CSGALNACT1: variants seen among roughly 807,000 people sequenced by gnomAD.
CSGALNACT1 encodes the protein chondroitin sulfate N-acetylgalactosaminyltransferase 1.
In CSGALNACT1, 52 loss-of-function variants were observed where a neutral mutation model predicts 51.0. That is an observed-to-expected ratio of 1.02 (90% CI 0.82 to 1.29). The LOEUF is 1.29. Among genes scored for constraint, CSGALNACT1 ranks in the 50% most tolerant of loss-of-function variants. The pLI is 0.00. For missense variants in CSGALNACT1, 935 were observed against 679.2 expected, an observed-to-expected ratio of 1.38 and a Z score of -4.19; for synonymous variants, 341 against 254.4, an observed-to-expected ratio of 1.34 and a Z score of -3.24.
intron 1 of CSGALNACT1, among the ~76,000 whole-genome samples, chr8:19,730,670 C>A (rs748254866): frequency 6.6e-6 from 1 of 152,228 alleles, no homozygotes; most frequent in Non-Finnish European, 1.5e-5. Flanking sequence ...GCCACCCCTC[C>A]CAGGTCCATC....
chr8:19,409,079 G>A (rs1333182905), intron 8 of CSGALNACT1, among the ~76,000 whole-genome samples: 1 of 152,144 alleles, frequency 6.6e-6, no homozygotes, highest in African/African-American at 2.4e-5. Context: ...TCGGAGGCTT[G>A]GGCCCCTTAC....
rs1444312163 is a variant in CSGALNACT1 at position 19,757,269 on chromosome 8, C to T, written c.-297+581G>A. The T allele has an allele frequency of 1.3e-5, 2 of 150,190 alleles. No individual in the cohort carries two copies. The highest frequency in any genetic ancestry group is 3.0e-5 in the Non-Finnish European group (2 of 67,070). 9.3% of individuals were successfully genotyped at this position (150,190 alleles called of 1,614,324 possible). The stretch of plus-strand genomic sequence containing the variant: ...TTCCCTCCTGCGCGGCCGCCGCGGA[C>T]TCGGCTCCACCTCCCGCTCCGGCAG... On this transcript the variant is annotated intron_variant, in intron 1 of 1. Transcript: ENST00000517494. The surrounding 1 kb of genome is among the most constrained non-coding windows in gnomAD (Gnocchi z 4.0).
chr8:19,692,183 G>A (rs1000243974), intron 1 of CSGALNACT1, among the ~76,000 whole-genome samples: 17 of 152,030 alleles, frequency 1.1e-4, no homozygotes, highest in Admixed American at 2.0e-4. Context: ...TCCCTCCCTC[G>A]ACACACAGGA....
chr8:19,710,577 T>C (rs944115251), intron 1 of CSGALNACT1, among the ~76,000 whole-genome samples: 1 of 152,198 alleles, frequency 6.6e-6, no homozygotes, highest in Non-Finnish European at 1.5e-5. Flanking sequence ...AATGTTAATA[T>C]GTATTAGTTC....
chr8:19,648,157 T>A (rs1330002634), intron 1 of CSGALNACT1, among the ~76,000 whole-genome samples: 1 of 152,222 alleles, frequency 6.6e-6, no homozygotes, highest in African/African-American at 2.4e-5. Context: ...ACTAGACCAC[T>A]TACTTGCTCC....
At chr8:19,621,338 G>C (rs2053800585) in intron 1 of CSGALNACT1, among the ~76,000 whole-genome samples, 2 of 152,040 alleles carry the variant, frequency 1.3e-5, no homozygotes, top group African/African-American at 4.8e-5. Flanking sequence ...TACTGAGCTA[G>C]GCATGTGTCA....
intron 2 of CSGALNACT1, among the ~76,000 whole-genome samples, chr8:19,592,633 T>A (rs76573092): frequency 0.037 from 5,706 of 152,208 alleles, 359 homozygotes; most frequent in African/African-American, 0.13. Context: ...ACACACCTGC[T>A]GTCCCAGCTA....
Position 19,439,889 on chromosome 8 carries a change from A to G in CSGALNACT1, c.894T>C (p.Val298=), listed in dbSNP as rs746733474. 18 of 1,614,038 alleles carry G rather than the reference A, an allele frequency of 1.1e-5. No individual in the cohort carries two copies. In the East Asian group the frequency reaches 4.0e-4, roughly 36 times the overall value. Residue 298 remains valine, a synonymous_variant, in exon 6 of 10, where the codon GTT becomes GTC. Coordinates refer to ENST00000454498, the Ensembl canonical transcript of CSGALNACT1. ...TTATTTCTTCTTTCCCAAAGTAAAC[A>G]ACAGTGAGATGGACTCTCCCATCCT... is the stretch of plus-strand genomic sequence containing the variant.
intron 8 of CSGALNACT1, among the ~76,000 whole-genome samples, chr8:19,416,424 T>A (rs902676871): frequency 2.6e-5 from 4 of 152,086 alleles, no homozygotes; most frequent in African/African-American, 9.7e-5. Context: ...AGGAAAACTT[T>A]TAAAAAATAA....
intron 1 of CSGALNACT1, among the ~76,000 whole-genome samples, chr8:19,749,188 T>C (rs2064875033): frequency 6.6e-6 from 1 of 151,978 alleles, no homozygotes; most frequent in Non-Finnish European, 1.5e-5. Context: ...TCAAGGACTA[T>C]TCCTCTTCCC....
chr8:19,510,220 G>C (rs1442420622), intron 3 of CSGALNACT1, among the ~76,000 whole-genome samples: 1 of 152,134 alleles, frequency 6.6e-6, no homozygotes, highest in African/African-American at 2.4e-5. Flanking sequence ...TTCTTGATTA[G>C]AATGAAGGAG....
chr8:19,469,288 G>A (rs573559099), intron 4 of CSGALNACT1, among the ~76,000 whole-genome samples: 2 of 152,256 alleles, frequency 1.3e-5, no homozygotes, highest in Admixed American at 6.5e-5. Context: ...CTACTTAGGC[G>A]GTGCAGGCAT....
intron 4 of CSGALNACT1, among the ~76,000 whole-genome samples, chr8:19,489,852 A>C (rs2073961501): frequency 1.3e-5 from 2 of 152,160 alleles, no homozygotes; most frequent in South Asian, 4.1e-4. Context: ...TTAGGAAGCC[A>C]AGCTGAGCTG....
At chr8:19,733,811 T>C (rs1198337286) in intron 1 of CSGALNACT1, among the ~76,000 whole-genome samples, 1 of 152,204 alleles carries the variant, frequency 6.6e-6, no homozygotes, top group Non-Finnish European at 1.5e-5. Flanking sequence ...AGGCCCTTTT[T>C]TTTTCCGTAT....
chr8:19,564,494 T>G (rs2041496827), intron 3 of CSGALNACT1, among the ~76,000 whole-genome samples: 1 of 152,120 alleles, frequency 6.6e-6, no homozygotes, highest in African/African-American at 2.4e-5. Flanking sequence ...AACTGTCCTT[T>G]GTAACCTAAT....
chr8:19,473,971 T>A (rs2068798379), intron 4 of CSGALNACT1, among the ~76,000 whole-genome samples: 1 of 152,222 alleles, frequency 6.6e-6, no homozygotes, highest in Non-Finnish European at 1.5e-5. Flanking sequence ...AAATACAGGT[T>A]CTTGGGCCTA....
intron 4 of CSGALNACT1, among the ~76,000 whole-genome samples, chr8:19,479,232 A>G (rs990707199): frequency 3.9e-5 from 6 of 152,192 alleles, no homozygotes; most frequent in Admixed American, 6.5e-5. Flanking sequence ...TGAAGCTGGA[A>G]TCATTACAGC....
In CSGALNACT1 at chr8:19,752,492, T is replaced by G. The variant is rs1202650556; in HGVS notation, c.-297+5358A>C. On this transcript the variant is annotated intron_variant, in intron 1 of 1. Transcript: ENST00000517494. ...GTTTCTAATATTTGAGAAACAGAAGTAGAAAGTCACTTTTGTGAGAACACA... is the reference window on the plus strand; with the variant it reads ...GTTTCTAATATTTGAGAAACAGAAGGAGAAAGTCACTTTTGTGAGAACACA... Among the ~76,000 whole-genome samples, 2 of 152,182 alleles carry G rather than the reference T, an allele frequency of 1.3e-5. 1 individual carries two copies. Among genetic ancestry groups the G allele is most frequent in the Admixed American group, 1.3e-4 (2 of 15,266 alleles).
chr8:19,452,418 G>GAA (rs58527794), intron 5 of CSGALNACT1, among the ~76,000 whole-genome samples: 67 of 146,562 alleles, frequency 4.6e-4, no homozygotes, highest in Non-Finnish European at 5.4e-4. Flanking sequence ...ACCCCTGGGG[G>GAA]AAAAAAAAAA....
Sources: allele counts gnomAD v4.1 joint callset (sites outside exome capture counted in the v4.1 genomes callset), GRCh38; gene constraint gnomAD v4.1.1; non-coding constraint Gnocchi (gnomAD v3.1); transcripts MANE v1.5; gene names NCBI Gene and HGNC (gene_info 2026-07-23, HGNC 2026-07-21).